RSPRY1: variants seen among roughly 807,000 people sequenced by gnomAD.
RSPRY1 encodes the protein RING finger and SPRY domain-containing protein 1.
RSPRY1 carries 23 observed loss-of-function variants against 73.1 expected under a neutral mutation model. That is an observed-to-expected ratio of 0.31 (90% CI 0.23 to 0.45). The LOEUF (loss-of-function observed/expected upper bound fraction) is 0.45, where lower values mean the gene tolerates loss of function less well. Ranked by LOEUF, RSPRY1 falls within the 20% of genes least tolerant of loss-of-function variation. The pLI, the probability that RSPRY1 is intolerant of heterozygous loss-of-function variation, is 1.00. For synonymous variants in RSPRY1, 226 were observed against 251.4 expected, an observed-to-expected ratio of 0.90 and a Z score of 0.95; for missense variants, 448 against 698.7, an observed-to-expected ratio of 0.64 and a Z score of 4.05.
intron 8 of RSPRY1, among the ~76,000 whole-genome samples, chr16:57,217,419 C>T (rs1597902147): frequency 6.6e-6 from 1 of 152,146 alleles, no homozygotes; most frequent in Non-Finnish European, 1.5e-5. Context: ...TACTTCTCTC[C>T]CTTTCCCAAC....
At chr16:57,212,914 C>T (rs2074871425) in intron 4 of RSPRY1, 58 bp from the exon 5 acceptor site, 2 of 1,544,288 alleles carry the variant, frequency 1.3e-6, no homozygotes, top group Admixed American at 2.0e-5. Flanking sequence ...AAAAATGAGC[C>T]TGGGAAAACA....
At chr16:57,196,858 A>G (rs1181683694) in intron 1 of RSPRY1, among the ~76,000 whole-genome samples, 1 of 152,204 alleles carries the variant, frequency 6.6e-6, no homozygotes, top group Admixed American at 6.5e-5. Flanking sequence ...AATGTTAGGC[A>G]CTGTGCCATG....
Position 57,236,068 on chromosome 16 carries a change from G to C in RSPRY1, c.1634+840G>C, listed in dbSNP as rs145068083. ...AAAGAAAGGCACAGTGATTCCAGCT[G>C]TGATTAATCCTCCCTATTACTTCTA... is the stretch of plus-strand genomic sequence containing the variant. On this transcript the variant is annotated intron_variant, in intron 14 of 14. Coordinates refer to ENST00000394420, the MANE Select transcript of RSPRY1 (RefSeq NM_133368.3). 6.6e-5 allele frequency among the ~76,000 whole-genome samples: 10 copies of C among 152,352 alleles called. No individual in the cohort carries two copies. The East Asian group carries it at 1.9e-3, about 29-fold the overall frequency.
chr16:57,235,028 T>C, intron 13 of RSPRY1, 96 bp from the exon 14 acceptor site: 1 of 787,356 alleles, frequency 1.3e-6, no homozygotes. Context: ...GGAATATATG[T>C]CACAGGTGCA....
At position 57,232,513 on chromosome 16, in the gene RSPRY1, G is replaced by GGA. The variant is rs2075239614; in HGVS notation, c.1529+1195_1529+1196dup. Among the ~76,000 whole-genome samples the GGA allele has an allele frequency of 2.0e-5, 3 of 152,214 alleles. No homozygotes were observed. The South Asian group carries it at 6.2e-4, about 32-fold the overall frequency. Reference sequence around the variant, plus strand: ...AATTCCTCTTGGCCAAAGTCTGAGGGGACACCTCTCCCTTATCTATCATAC... The same window carrying GGA: ...AATTCCTCTTGGCCAAAGTCTGAGGGGAGACACCTCTCCCTTATCTATCATAC... On this transcript the variant is annotated intron_variant, in intron 13 of 14. Coordinates refer to ENST00000394420, the MANE Select transcript of RSPRY1 (RefSeq NM_133368.3).
chr16:57,193,893 C>G (rs1392158492), intron 1 of RSPRY1, among the ~76,000 whole-genome samples: 4 of 152,058 alleles, frequency 2.6e-5, no homozygotes, highest in Non-Finnish European at 5.9e-5. Flanking sequence ...TGGTGAAACC[C>G]CATCTCTACT....
intron 6 of RSPRY1, among the ~76,000 whole-genome samples, chr16:57,214,599 C>G (rs549592843): frequency 1.6e-4 from 25 of 152,362 alleles, no homozygotes; most frequent in African/African-American, 5.8e-4. Flanking sequence ...TCTCAATGAG[C>G]ACTCTGGGGA....
At chr16:57,190,602 T>C (rs1380652151) in intron 1 of RSPRY1, among the ~76,000 whole-genome samples, 1 of 152,248 alleles carries the variant, frequency 6.6e-6, no homozygotes. Flanking sequence ...TTCCCTGATA[T>C]TCAAATTAGA....
intron 1 of RSPRY1, among the ~76,000 whole-genome samples, chr16:57,198,269 A>G (rs1369504986): frequency 6.6e-6 from 1 of 152,010 alleles, no homozygotes; most frequent in East Asian, 1.9e-4. Context: ...CTGTAGTCCC[A>G]GCTACTCGGG....
intron 13 of RSPRY1, among the ~76,000 whole-genome samples, chr16:57,231,576 A>G (rs2075220600): frequency 1.3e-5 from 2 of 152,206 alleles, no homozygotes; most frequent in African/African-American, 4.8e-5. Flanking sequence ...TAGGTAACAG[A>G]TAACCTTATT....
At chr16:57,220,906 C>A in intron 9 of RSPRY1, 59 bp downstream of exon 9, 1 of 1,205,234 alleles carries the variant, frequency 8.3e-7, no homozygotes, top group East Asian at 2.4e-5. Context: ...TATTTTAATC[C>A]TTGCATAGCC....
At chr16:57,203,641 C>G (rs1275704140) in intron 1 of RSPRY1, among the ~76,000 whole-genome samples, 1 of 152,170 alleles carries the variant, frequency 6.6e-6, no homozygotes. Context: ...TAATGATAAA[C>G]ATACTTTGTG....
intron 7 of RSPRY1, 53 bp from the exon 8 acceptor site, chr16:57,216,851 C>T (rs879043590): frequency 6.4e-7 from 1 of 1,563,528 alleles, no homozygotes; most frequent in South Asian, 1.1e-5. Context: ...ATTTGCTGAG[C>T]AAATCATTCT....
intron 13 of RSPRY1, among the ~76,000 whole-genome samples, 154 bp downstream of exon 13, chr16:57,231,473 C>T (rs2075219116): frequency 6.6e-6 from 1 of 152,164 alleles, no homozygotes. Flanking sequence ...TCTAAGATCG[C>T]AGAAGAAATA....
chr16:57,238,865 G>C lies in RSPRY1; in HGVS notation c.1635-14G>C. On this transcript the variant is annotated splice_polypyrimidine_tract_variant and intron_variant, in intron 14 of 14. Transcript: ENST00000394420. ...AAGCATTAACTTGACTGACTTTTCT[G>C]TGTTTCTCCCCAGTGACCTGTGCAT... 6.6e-7 allele frequency: 1 copy of C among 1,516,438 alleles called. No homozygotes were observed. Among genetic ancestry groups the C allele is most frequent in the Non-Finnish European group, 8.9e-7 (1 of 1,124,486 alleles). The allele number at this position is 1,516,438 out of a possible 1,614,324, so 93.9% of individuals were successfully genotyped here. A position where few individuals can be genotyped will look rare whatever the true frequency, so the allele number is the denominator to read the frequency against.
In RSPRY1 at chr16:57,213,347, G is replaced by A. The variant is rs114948346; in HGVS notation, c.643+249G>A. Among the ~76,000 whole-genome samples the A allele has an allele frequency of 9.5e-3, 1,440 of 152,216 alleles. 22 individuals are homozygous for A. The highest frequency in any genetic ancestry group is 0.033 in the African/African-American group (1,366 of 41,542). On this transcript the variant is annotated intron_variant, in intron 5 of 14. Transcript: ENST00000394420. Reference sequence around the variant, plus strand: ...TTGTGCTTATTTGCTTTAAGAATAAGGAGCGAGGAAAAGAAAAAAGGGAGA... The same window carrying A: ...TTGTGCTTATTTGCTTTAAGAATAAAGAGCGAGGAAAAGAAAAAAGGGAGA...
chr16:57,229,410 T>A (rs540230566), intron 11 of RSPRY1, among the ~76,000 whole-genome samples: 1 of 151,820 alleles, frequency 6.6e-6, no homozygotes, highest in Non-Finnish European at 1.5e-5. Flanking sequence ...GGGCCAGGAG[T>A]TTGAGATTAG....
At chr16:57,223,773 AAAAT>A (rs1179181305) in intron 10 of RSPRY1, among the ~76,000 whole-genome samples, 1 of 152,238 alleles carries the variant, frequency 6.6e-6, no homozygotes, top group African/African-American at 2.4e-5. Flanking sequence ...CTCTGTCTCA[AAAAT>A]AAATAAATAA....
chr16:57,187,478 G>A (rs2074252215), intron 1 of RSPRY1, among the ~76,000 whole-genome samples: 1 of 152,162 alleles, frequency 6.6e-6, no homozygotes, highest in African/African-American at 2.4e-5. Flanking sequence ...AGTTTTCCAG[G>A]CCCTTTACCT....
Sources: gnomAD v4.1 joint callset for allele counts (sites outside exome capture counted in the v4.1 genomes callset) on GRCh38, gnomAD v4.1.1 for gene constraint, MANE v1.5 for transcripts, NCBI Gene and HGNC (gene_info 2026-07-23, HGNC 2026-07-21) for gene names.